The following DBT variants were observed in gnomAD, a reference collection of about 807,000 sequenced individuals.
The protein encoded by DBT is lipoamide acyltransferase component of branched-chain alpha-keto acid dehydrogenase complex, mitochondrial.
In DBT, 40 loss-of-function variants were observed where a neutral mutation model predicts 51.3. The observed-to-expected ratio is 0.78, with a 90% confidence interval of 0.61 to 1.02. The LOEUF (loss-of-function observed/expected upper bound fraction) is 1.02. Ranked by LOEUF, DBT falls within the 50% of genes least tolerant of loss-of-function variation. The pLI is 0.00. For missense variants in DBT, 510 were observed against 580.2 expected, an observed-to-expected ratio of 0.88 and a Z score of 1.24; for synonymous variants, 181 against 190.4, an observed-to-expected ratio of 0.95 and a Z score of 0.41.
chr1:100,214,738 G>A lies in DBT; in HGVS notation c.939+79C>T. 6 of 1,472,132 alleles carry A rather than the reference G, an allele frequency of 4.1e-6. No individual in the cohort carries two copies. The South Asian group carries it at 5.8e-5, about 14-fold the overall frequency. The allele number at this position is 1,472,132 out of a possible 1,614,324, so 91.2% of individuals were successfully genotyped here. ...CATTGCACTCCAGCCTGGGTGACAA[G>A]AGCAAAACTCTGTCTCAAAAAGACA... is the stretch of plus-strand genomic sequence containing the variant. On this transcript the variant is annotated intron_variant, in intron 7 of 10. Transcript: ENST00000370132.
intron 4 of DBT, among the ~76,000 whole-genome samples, chr1:100,224,258 A>G (rs1308579248): frequency 6.6e-6 from 1 of 152,186 alleles, no homozygotes; most frequent in Non-Finnish European, 1.5e-5. Context: ...CTTTTATATA[A>G]TTGGTTTTAC....
chr1:100,194,961 C>T lies in DBT; in HGVS notation c.*1294G>A, dbSNP rs918933820. 6.6e-6 allele frequency: 1 copy of T among 152,194 alleles called. No homozygotes were observed. The highest frequency in any genetic ancestry group is 1.5e-5 in the Non-Finnish European group (1 of 68,032). The allele number at this position is 152,194 out of a possible 1,614,324, so 9.4% of individuals were successfully genotyped here. A position where few individuals can be genotyped will look rare whatever the true frequency, so the allele number is the denominator to read the frequency against. ...TGCAAATTGAAATGTTGGATACATT[C>T]ATCTCGTTGCTATTTCTGATTAAAG... On this transcript the variant is annotated 3_prime_UTR_variant, in exon 11 of 11. Transcript: ENST00000370132.
At position 100,216,038 on chromosome 1, in the gene DBT, T is replaced by C. The variant is rs1662459631; in HGVS notation, c.717A>G (p.Ile239Met). 3 of 1,613,482 alleles carry C rather than the reference T, an allele frequency of 1.9e-6. No individual in the cohort carries two copies. The highest frequency in any genetic ancestry group is 2.2e-5 in the South Asian group (2 of 91,070). Residue 239 changes from isoleucine (I) to methionine (M), a missense_variant, in exon 6 of 11, where the codon ATA (isoleucine) becomes ATG (methionine). Coordinates refer to ENST00000370132, the MANE Select transcript of DBT (RefSeq NM_001918.5). ...TGAATACCGGAGGTTTTGATACTAG[T>C]ATAGGAACAGTCATGTCTTTTGGCT... The part of the protein sequence containing the change: ...PPKPKDMTVP[I>M]LVSKPPVFTG...
At chr1:100,217,823 T>C (rs902790424) in intron 5 of DBT, among the ~76,000 whole-genome samples, 5 of 152,184 alleles carry the variant, frequency 3.3e-5, no homozygotes, top group Admixed American at 6.5e-5. Context: ...GGCACATATG[T>C]GCTCAAATAA....
At position 100,207,536 on chromosome 1, in the gene DBT, T is replaced by A. The variant is rs571903132; in HGVS notation, c.1018-900A>T. Among the ~76,000 whole-genome samples the A allele has an allele frequency of 3.9e-5, 6 of 152,080 alleles. No homozygotes were observed. In the South Asian group the frequency reaches 1.0e-3, roughly 26 times the overall value. On this transcript the variant is annotated intron_variant, in intron 8 of 10. Coordinates refer to ENST00000370132, the MANE Select transcript of DBT (RefSeq NM_001918.5). ...AAAAAAGAGAAAAATGCAGCCATTGTTCTGGCAGGGCATAGTGGCTCATGC... is the reference window on the plus strand; with the variant it reads ...AAAAAAGAGAAAAATGCAGCCATTGATCTGGCAGGGCATAGTGGCTCATGC...
At position 100,216,001 on chromosome 1, in the gene DBT, T is replaced by G. The variant is rs1450336757; in HGVS notation, c.754A>C (p.Lys252Gln). The change falls in exon 6 of 11, where the codon AAA becomes CAA. Residue 252 changes from lysine to glutamine, a missense_variant. Transcript: ENST00000370132. Reference sequence around the variant, plus strand: ...TCATTACCTTTTATGGGTTCTGTTTTGTCTTTGCCTGTGAATACCGGAGGT... The same window carrying G: ...TCATTACCTTTTATGGGTTCTGTTTGGTCTTTGCCTGTGAATACCGGAGGT... ...SKPPVFTGKD[K>Q]TEPIKGFQKA... is the part of the protein sequence containing the mutation. 6.3e-7 allele frequency: 1 copy of G among 1,596,954 alleles called. No individual in the cohort carries two copies. The highest frequency in any genetic ancestry group is 1.7e-5 in the Admixed American group (1 of 59,978).
chr1:100,237,686 T>A (rs1320853193), intron 2 of DBT, among the ~76,000 whole-genome samples: 1 of 152,154 alleles, frequency 6.6e-6, no homozygotes, highest in Non-Finnish European at 1.5e-5. Flanking sequence ...TTGCCCAGGC[T>A]GGAGTGCAGT....
intron 4 of DBT, among the ~76,000 whole-genome samples, chr1:100,225,042 A>ATATATATGTATAT (rs1334781885): frequency 2.2e-5 from 1 of 45,630 alleles, no homozygotes; most frequent in African/African-American, 6.7e-5. Flanking sequence ...AAAAAAAAAA[A>ATATATATGTATAT]ATATATATAT....
chr1:100,241,277 G>A (rs1158427004), intron 1 of DBT, among the ~76,000 whole-genome samples: 1 of 151,822 alleles, frequency 6.6e-6, no homozygotes, highest in African/African-American at 2.4e-5. Flanking sequence ...TAGTACCTTA[G>A]TATAATATTA....
In DBT at chr1:100,194,042, A is replaced by G. The variant is rs1660939902; in HGVS notation, c.*2213T>C. The G allele has an allele frequency of 6.6e-6, 1 of 152,282 alleles. No homozygotes were observed. The highest frequency in any genetic ancestry group is 2.1e-4 in the South Asian group (1 of 4,836). 9.4% of individuals were successfully genotyped at this position (152,282 alleles called of 1,614,324 possible). A position where few individuals can be genotyped will look rare whatever the true frequency, so the allele number is the denominator to read the frequency against. On this transcript the variant is annotated 3_prime_UTR_variant, in exon 11 of 11. Coordinates refer to ENST00000370132, the MANE Select transcript of DBT (RefSeq NM_001918.5). ...TGTTTTAACAAAAAAGAATAGCCAT[A>G]CATACAGATAGATACATCAAAATGT...
intron 7 of DBT, chr1:100,213,278 C>G: frequency 7.3e-7 from 1 of 1,366,534 alleles, no homozygotes; most frequent in African/African-American, 1.5e-5. Flanking sequence ...GCCGACAGAG[C>G]CGAGCCGGGC....
chr1:100,234,905 C>T (rs1663777319), intron 3 of DBT, among the ~76,000 whole-genome samples: 1 of 152,174 alleles, frequency 6.6e-6, no homozygotes. Flanking sequence ...CTCATCTTAA[C>T]TGCCACTTCT....
In DBT at chr1:100,187,320, T is replaced by G. The variant is rs1021700639; in HGVS notation, c.*8935A>C. The G allele has an allele frequency of 6.6e-6, 1 of 152,190 alleles. No individual in the cohort carries two copies. The highest frequency in any genetic ancestry group is 1.5e-5 in the Non-Finnish European group (1 of 68,022). The allele number at this position is 152,190 out of a possible 1,614,324, so 9.4% of individuals were successfully genotyped here. On this transcript the variant is annotated 3_prime_UTR_variant, in exon 11 of 11. Transcript: ENST00000370132. The stretch of plus-strand genomic sequence containing the variant: ...TCAAATGATACAGAAATGGCACTGG[T>G]TTCCTATATGTTGACTGAGATACTT...
At chr1:100,216,930 A>G (rs1401129473) in intron 5 of DBT, among the ~76,000 whole-genome samples, 1 of 152,174 alleles carries the variant, frequency 6.6e-6, no homozygotes, top group African/African-American at 2.4e-5. Context: ...GCCCCATTTC[A>G]TTTGTATTAG....
intron 7 of DBT, among the ~76,000 whole-genome samples, chr1:100,212,540 A>G (rs1385049575): frequency 6.6e-6 from 1 of 152,056 alleles, no homozygotes; most frequent in Non-Finnish European, 1.5e-5. Flanking sequence ...CCCTTTCTAA[A>G]AAAAAAAAGA....
At chr1:100,213,425 C>A in intron 7 of DBT, 2 of 1,584,152 alleles carry the variant, frequency 1.3e-6, no homozygotes, top group East Asian at 2.3e-5. Context: ...CTACTCCTAC[C>A]TCGTCACACG....
chr1:100,198,054 A>G (rs943147516), intron 10 of DBT, among the ~76,000 whole-genome samples: 8 of 152,242 alleles, frequency 5.3e-5, no homozygotes, highest in African/African-American at 1.7e-4. Flanking sequence ...TTATAAATCA[A>G]ATATTCATTT....
intron 10 of DBT, among the ~76,000 whole-genome samples, chr1:100,198,413 G>A (rs1244852469): frequency 6.6e-6 from 1 of 152,206 alleles, no homozygotes. Context: ...ACAGATGGTG[G>A]TGATGGTGGC....
At chr1:100,205,211 C>T (rs1324526493) in intron 10 of DBT, among the ~76,000 whole-genome samples, 1 of 152,108 alleles carries the variant, frequency 6.6e-6, no homozygotes, top group Non-Finnish European at 1.5e-5. Flanking sequence ...ATCTATCTGA[C>T]AAAGGGCTAA....
Sources: gnomAD v4.1 joint callset for allele counts (sites outside exome capture counted in the v4.1 genomes callset) on GRCh38, gnomAD v4.1.1 for gene constraint, MANE v1.5 for transcripts, NCBI Gene and HGNC (gene_info 2026-07-23, HGNC 2026-07-21) for gene names.